PACRG: variants seen among roughly 807,000 people sequenced by gnomAD.
PACRG encodes parkin coregulated gene protein.
Under a neutral mutation model 29.7 loss-of-function variants are expected in PACRG, and 29 were observed. That is an observed-to-expected ratio of 0.98 (90% confidence interval 0.73 to 1.33). The LOEUF is 1.33. PACRG is among the 40% of genes most tolerant of loss of function. PACRG has a pLI of 0.00. For missense variants in PACRG, 279 were observed against 316.2 expected (o/e 0.88, Z 0.89); for synonymous variants, 116 against 118.7 (o/e 0.98, Z 0.15).
chr6:163,202,814 A>T (rs1191614180), intron 4 of PACRG, among the ~76,000 whole-genome samples: 1 of 152,214 alleles, frequency 6.6e-6, no homozygotes, highest in Non-Finnish European at 1.5e-5. Flanking sequence ...TTCAGCAAGT[A>T]CTTTCACATG....
intron 4 of PACRG, among the ~76,000 whole-genome samples, chr6:163,102,062 G>A (rs1008796994): frequency 2.0e-5 from 3 of 152,024 alleles, no homozygotes; most frequent in Non-Finnish European, 2.9e-5. Flanking sequence ...CCAGAGCCTC[G>A]CCCGGTGAAC....
chr6:163,163,531 C>T (rs1778656689), intron 4 of PACRG, among the ~76,000 whole-genome samples: 1 of 152,228 alleles, frequency 6.6e-6, no homozygotes, highest in Non-Finnish European at 1.5e-5. Flanking sequence ...CTCGGCCTCA[C>T]AAAGTGCTGG....
chr6:163,223,129 C>T (rs1781652793), intron 4 of PACRG, among the ~76,000 whole-genome samples: 1 of 152,164 alleles, frequency 6.6e-6, no homozygotes, highest in Non-Finnish European at 1.5e-5. Flanking sequence ...CGCGATGGCT[C>T]GTGCCTGTAA....
intron 3 of PACRG, among the ~76,000 whole-genome samples, chr6:163,085,449 A>G (rs1235432520): frequency 6.6e-6 from 1 of 152,140 alleles, no homozygotes; most frequent in Non-Finnish European, 1.5e-5. Context: ...GCTTGGGAAA[A>G]ATCACTACAG....
intron 4 of PACRG, among the ~76,000 whole-genome samples, chr6:163,186,360 T>G (rs561754005): frequency 2.9e-4 from 44 of 152,122 alleles, no homozygotes; most frequent in Admixed American, 5.9e-4. Context: ...AATTCTCTCG[T>G]GTGCCCCCTT....
intron 1 of PACRG, among the ~76,000 whole-genome samples, chr6:162,773,493 C>CTTT (rs1562582605): frequency 2.2e-4 from 18 of 82,722 alleles, no homozygotes; most frequent in South Asian, 3.6e-4. Flanking sequence ...TACAGCTTGT[C>CTTT]ATTTTTTTTT....
intron 2 of PACRG, among the ~76,000 whole-genome samples, chr6:162,954,220 A>T (rs1234276264): frequency 6.6e-6 from 1 of 152,218 alleles, no homozygotes; most frequent in African/African-American, 2.4e-5. Flanking sequence ...AGCTCAAAGC[A>T]ATTGTCTAGT....
At chr6:163,198,407 T>C (rs1780563153) in intron 4 of PACRG, among the ~76,000 whole-genome samples, 1 of 152,240 alleles carries the variant, frequency 6.6e-6, no homozygotes, top group African/African-American at 2.4e-5. Flanking sequence ...TCCATACTGC[T>C]TATGCATCAG....
At chr6:163,102,536 A>G (rs1381847567) in intron 4 of PACRG, among the ~76,000 whole-genome samples, 3 of 152,220 alleles carry the variant, frequency 2.0e-5, no homozygotes, top group Non-Finnish European at 4.4e-5. Flanking sequence ...ACTGTCCATC[A>G]GGTCTCTCCT....
chr6:162,895,991 A>C (rs958499443), intron 2 of PACRG, among the ~76,000 whole-genome samples: 4 of 152,248 alleles, frequency 2.6e-5, no homozygotes, highest in Non-Finnish European at 4.4e-5. Flanking sequence ...TGATCAACAC[A>C]GATTCTACAG....
rs1451332321 is a variant in PACRG at position 162,747,464 on chromosome 6, ATATGTAAAAC to A, written c.156+19077_156+19086del. ...TATATATATATATAACTATAAATAT[ATATGTAAAAC>A]TATATATATATATATATATTCCATT... On this transcript the variant is annotated intron_variant, in intron 1 of 4. Transcript: ENST00000366888. Among the ~76,000 whole-genome samples, 119 of 93,434 alleles carry A rather than the reference ATATGTAAAAC, an allele frequency of 1.3e-3. 21 individuals carry two copies. Among genetic ancestry groups the A allele is most frequent in the African/African-American group, 3.7e-3 (64 of 17,254 alleles). The allele number at this position is 93,434 out of a possible 152,430, so 61.3% of individuals were successfully genotyped here.
chr6:163,125,840 C>T lies in PACRG; in HGVS notation c.613+36432C>T, dbSNP rs113963079. 3.2e-3 allele frequency among the ~76,000 whole-genome samples: 484 copies of T among 152,316 alleles called. 2 individuals carry two copies. Among genetic ancestry groups the T allele is most frequent in the Middle Eastern group, 3.4e-3 (1 of 294 alleles). On this transcript the variant is annotated intron_variant, in intron 4 of 4. Transcript: ENST00000366888. ...AACTATCCCACAAGAAATAACAACA[C>T]AGATGTCAAAATAGTAAGAATTTCT...
chr6:163,087,198 G>A (rs1452414194), intron 3 of PACRG, among the ~76,000 whole-genome samples: 2 of 152,140 alleles, frequency 1.3e-5, no homozygotes, highest in South Asian at 2.1e-4. Flanking sequence ...ACCTAGAGGA[G>A]AGAAGGTGAG....
At chr6:162,958,960 C>T (rs1000724002) in intron 2 of PACRG, among the ~76,000 whole-genome samples, 1 of 141,554 alleles carries the variant, frequency 7.1e-6, no homozygotes, top group Non-Finnish European at 1.5e-5. Flanking sequence ...CTCCATCACC[C>T]AGGCTGGAAT....
At chr6:163,291,811 A>ATT (rs1784619670) in intron 4 of PACRG, among the ~76,000 whole-genome samples, 1 of 152,120 alleles carries the variant, frequency 6.6e-6, no homozygotes. Flanking sequence ...GGAAGAAATG[A>ATT]CTCAAGGCCA....
At chr6:162,849,868 A>T (rs894092560) in intron 2 of PACRG, among the ~76,000 whole-genome samples, 4 of 152,360 alleles carry the variant, frequency 2.6e-5, no homozygotes, top group South Asian at 4.1e-4. Context: ...TTTAATGCTC[A>T]GCAGATTCTG....
intron 4 of PACRG, among the ~76,000 whole-genome samples, chr6:163,158,291 A>G (rs1778402595): frequency 6.6e-6 from 1 of 152,254 alleles, no homozygotes; most frequent in Non-Finnish European, 1.5e-5. Context: ...GAATTATAGT[A>G]AAAGCAATCC....
intron 3 of PACRG, among the ~76,000 whole-genome samples, chr6:163,077,420 A>T (rs1201870609): frequency 6.6e-6 from 1 of 152,202 alleles, no homozygotes; most frequent in Non-Finnish European, 1.5e-5. Context: ...GCGTGCACAG[A>T]CACAGCGGAA....
intron 4 of PACRG, among the ~76,000 whole-genome samples, chr6:163,280,284 C>G (rs1254549088): frequency 6.6e-6 from 1 of 152,202 alleles, no homozygotes; most frequent in African/African-American, 2.4e-5. Context: ...CTGCTCTGCA[C>G]CCCCATGCTA....
Sources: gnomAD v4.1 joint callset for allele counts (sites outside exome capture counted in the v4.1 genomes callset) on GRCh38, gnomAD v4.1.1 for gene constraint, MANE v1.5 for transcripts, NCBI Gene and HGNC (gene_info 2026-07-23, HGNC 2026-07-21) for gene names.